Variants in MORN1 observed in about 807,000 individuals in gnomAD.
MORN1 encodes the protein MORN repeat containing 1, also known as MORN repeat-containing protein 1.
MORN1 carries 67 observed loss-of-function variants against 61.9 expected under a neutral mutation model. The ratio of observed to expected loss-of-function variants is 1.08; its 90% CI spans 0.89 to 1.33. The LOEUF is 1.33. Among genes scored for constraint, MORN1 ranks in the 40% most tolerant of loss-of-function variants. MORN1 has a pLI of 0.00. For synonymous variants in MORN1, 301 were observed against 292.0 expected (o/e 1.03, Z -0.31); for missense variants, 752 against 691.2 (o/e 1.09, Z -0.99).
chr1:2,379,479 T>C (rs539983218), intron 6 of MORN1, among the ~76,000 whole-genome samples: 1 of 151,942 alleles, frequency 6.6e-6, no homozygotes, highest in Non-Finnish European at 1.5e-5. Context: ...AGGGAAGAAG[T>C]CAAAAGGCCA....
At chr1:2,340,968 C>T (rs972210079) in intron 10 of MORN1, among the ~76,000 whole-genome samples, 4 of 152,378 alleles carry the variant, frequency 2.6e-5, no homozygotes, top group Middle Eastern at 3.4e-3. Flanking sequence ...TGATACCAGC[C>T]ACGAGACCAC....
intron 6 of MORN1, among the ~76,000 whole-genome samples, chr1:2,380,204 T>C (rs1642339936): frequency 6.6e-6 from 1 of 152,138 alleles, no homozygotes; most frequent in Non-Finnish European, 1.5e-5. Flanking sequence ...AGTGGAACAG[T>C]GGCTGCCAGG....
intron 10 of MORN1, among the ~76,000 whole-genome samples, chr1:2,339,415 C>T (rs1569941715): frequency 2.0e-5 from 3 of 152,196 alleles, no homozygotes; most frequent in East Asian, 1.9e-4. Context: ...GCAGGCTGAC[C>T]GCAGCGGCCC....
intron 13 of MORN1, 77 bp downstream of exon 13, chr1:2,324,020 C>T: frequency 1.3e-6 from 2 of 1,504,588 alleles, no homozygotes; most frequent in Non-Finnish European, 1.8e-6. Context: ...CCCAACCCCA[C>T]CTCCAGCCCT....
intron 12 of MORN1, among the ~76,000 whole-genome samples, chr1:2,329,117 G>A (rs2100234042): frequency 6.6e-6 from 1 of 152,262 alleles, no homozygotes; most frequent in Non-Finnish European, 1.5e-5. Flanking sequence ...TTCCCTGTTT[G>A]GGGGAGCCTG....
intron 12 of MORN1, chr1:2,332,671 C>G (rs1319307589): frequency 4.4e-6 from 2 of 456,592 alleles, no homozygotes; most frequent in East Asian, 1.4e-4. Flanking sequence ...ACTTGGTCTC[C>G]TGTTGTCCAC....
At chr1:2,355,085 G>T in intron 10 of MORN1, 2 of 899,204 alleles carry the variant, frequency 2.2e-6, no homozygotes, top group Non-Finnish European at 2.7e-6. Flanking sequence ...GGCGCGGGGG[G>T]CCCGCGCGGG....
chr1:2,382,611 G>A (rs981897692), intron 6 of MORN1, among the ~76,000 whole-genome samples: 1 of 152,206 alleles, frequency 6.6e-6, no homozygotes, highest in Non-Finnish European at 1.5e-5. Flanking sequence ...GACTCCCTTA[G>A]GCGCACTCTC....
intron 13 of MORN1, chr1:2,323,674 G>C (rs924392776): frequency 1.0e-6 from 1 of 985,102 alleles, no homozygotes; most frequent in Non-Finnish European, 1.2e-6. Context: ...ACGCTGGGAG[G>C]AGCCTTCCGC....
intron 12 of MORN1, among the ~76,000 whole-genome samples, chr1:2,335,270 C>T (rs184884676): frequency 1.2e-4 from 19 of 152,334 alleles, no homozygotes; most frequent in Non-Finnish European, 2.9e-5. Context: ...CCTGGAGCTC[C>T]ACCGGTGGGC....
At chr1:2,324,055 C>T (rs981623170) in intron 13 of MORN1, 42 bp downstream of exon 13, 7 of 1,569,320 alleles carry the variant, frequency 4.5e-6, no homozygotes, top group Non-Finnish European at 6.0e-6. Flanking sequence ...CCTCTCCAGA[C>T]AGTGGCACAG....
intron 4 of MORN1, 115 bp downstream of exon 4, chr1:2,387,304 C>A: frequency 1.3e-6 from 1 of 794,096 alleles, no homozygotes; most frequent in Admixed American, 1.8e-5. Context: ...ACCTCCTTTC[C>A]AACCCTCTGA....
intron 10 of MORN1, among the ~76,000 whole-genome samples, chr1:2,348,847 G>A (rs1459853406): frequency 6.6e-6 from 1 of 151,430 alleles, no homozygotes; most frequent in Non-Finnish European, 1.5e-5. Flanking sequence ...ACACCTGCGC[G>A]GGCACGCACA....
rs1015451327 is a variant in MORN1, at chr1:2,332,321, G to T, written c.1250+4148C>A. ...CTGAGGGACAGGGGGCTCCCCTAGA[G>T]CCCCGGTCTCAGCACACCCTGGTGA... On this transcript the variant is annotated intron_variant, in intron 12 of 13. Transcript: ENST00000378531. 292 of 309,146 alleles carry T rather than the reference G, an allele frequency of 9.4e-4. 3 individuals carry two copies. The highest frequency in any genetic ancestry group is 1.4e-3 in the Non-Finnish European group (222 of 157,210). 19.2% of individuals were successfully genotyped at this position (309,146 alleles called of 1,614,324 possible).
intron 8 of MORN1, among the ~76,000 whole-genome samples, chr1:2,359,301 G>T (rs1381528410): frequency 2.6e-5 from 4 of 152,188 alleles, no homozygotes; most frequent in Non-Finnish European, 4.4e-5. Context: ...CACACAGCTG[G>T]TGCCCACCAA....
chr1:2,323,869 G>T, intron 13 of MORN1: 1 of 985,186 alleles, frequency 1.0e-6, no homozygotes, highest in Non-Finnish European at 1.2e-6. Context: ...GGGCTGTGTC[G>T]GCCCAGCTTC....
At chr1:2,385,443 G>C (rs1285851746) in intron 5 of MORN1, 1 of 393,054 alleles carries the variant, frequency 2.5e-6, no homozygotes, top group African/African-American at 2.0e-5. Flanking sequence ...AGGCGGAGGC[G>C]GGAGGCTCTG....
chr1:2,323,716 C>T (rs928649495), intron 13 of MORN1: 36 of 985,254 alleles, frequency 3.7e-5, no homozygotes, highest in Admixed American at 6.2e-5. Flanking sequence ...CTGCAGCCGG[C>T]CTTGCTGGGG....
intron 8 of MORN1, chr1:2,363,448 A>G (rs1456116642): frequency 6.6e-6 from 1 of 152,142 alleles, no homozygotes; most frequent in Non-Finnish European, 1.5e-5. Context: ...AACAAAACAA[A>G]GAGTTATAAT....
Sources: allele counts gnomAD v4.1 joint callset (sites outside exome capture counted in the v4.1 genomes callset), GRCh38; gene constraint gnomAD v4.1.1; transcripts MANE v1.5; gene names NCBI Gene and HGNC (gene_info 2026-07-23, HGNC 2026-07-21).